RORB: variants seen among roughly 807,000 people sequenced by gnomAD.
RORB encodes RAR related orphan receptor B, also known as nuclear receptor ROR-beta.
In RORB, 6 loss-of-function variants were observed where a neutral mutation model predicts 59.1. That is an observed-to-expected ratio of 0.10 (90% CI 0.06 to 0.20). The LOEUF (loss-of-function observed/expected upper bound fraction) is 0.20, where lower values mean the gene tolerates loss of function less well. RORB is among the 10% of genes least tolerant of loss of function. RORB has a pLI of 1.00. For synonymous variants in RORB, 215 were observed against 204.5 expected (o/e 1.05, Z -0.44); for missense variants, 320 against 560.5 (o/e 0.57, Z 4.33).
At chr9:74,557,488 G>C (rs530256180) in intron 1 of RORB, among the ~76,000 whole-genome samples, 7 of 152,092 alleles carry the variant, frequency 4.6e-5, no homozygotes, top group African/African-American at 1.7e-4. Flanking sequence ...TATTTTAAGG[G>C]AATTAATAAA....
At chr9:74,607,615 C>G (rs1823168610) in intron 1 of RORB, among the ~76,000 whole-genome samples, 1 of 151,850 alleles carries the variant, frequency 6.6e-6, no homozygotes, top group Admixed American at 6.6e-5. Flanking sequence ...TATATACACA[C>G]ACACATAAGT....
At chr9:74,533,903 G>C (rs1826283384) in intron 1 of RORB, among the ~76,000 whole-genome samples, 1 of 151,906 alleles carries the variant, frequency 6.6e-6, no homozygotes. Context: ...TTGGTAAAGG[G>C]GACATTAAAG....
intron 1 of RORB, among the ~76,000 whole-genome samples, chr9:74,562,610 T>C (rs1822411133): frequency 6.6e-6 from 1 of 152,166 alleles, no homozygotes; most frequent in Non-Finnish European, 1.5e-5. Flanking sequence ...TGACCCAGTG[T>C]TGGCTCATGT....
intron 1 of RORB, among the ~76,000 whole-genome samples, chr9:74,534,071 T>G (rs992365618): frequency 6.6e-6 from 1 of 152,074 alleles, no homozygotes; most frequent in Non-Finnish European, 1.5e-5. Flanking sequence ...ACATTTAACT[T>G]TTCTGAAGCT....
chr9:74,579,483 G>A (rs1822687963), intron 1 of RORB, among the ~76,000 whole-genome samples: 1 of 152,048 alleles, frequency 6.6e-6, no homozygotes, highest in South Asian at 2.1e-4. Flanking sequence ...ATTCTGAGGG[G>A]TGGGTCAGTT....
At chr9:74,640,474 A>G (rs563417543) in intron 3 of RORB, among the ~76,000 whole-genome samples, 33 of 152,136 alleles carry the variant, frequency 2.2e-4, no homozygotes, top group South Asian at 1.5e-3. Flanking sequence ...TAGTAGAGAC[A>G]GGGTTTCACC....
At chr9:74,588,943 A>G (rs1822848251) in intron 1 of RORB, among the ~76,000 whole-genome samples, 1 of 152,168 alleles carries the variant, frequency 6.6e-6, no homozygotes, top group South Asian at 2.1e-4. Flanking sequence ...ATGATTAAAA[A>G]AAAAAAATAA....
At chr9:74,641,497 G>A (rs1823804317) in intron 3 of RORB, among the ~76,000 whole-genome samples, 1 of 152,180 alleles carries the variant, frequency 6.6e-6, no homozygotes, top group African/African-American at 2.4e-5. Flanking sequence ...ATTTTCCAAA[G>A]AATCTTATCA....
At chr9:74,678,432 T>C (rs1216155979) in intron 9 of RORB, among the ~76,000 whole-genome samples, 1 of 152,134 alleles carries the variant, frequency 6.6e-6, no homozygotes, top group Non-Finnish European at 1.5e-5. Context: ...CAAAACTGTA[T>C]CATCAACATG....
At chr9:74,499,993 A>C (rs1214739854) in intron 1 of RORB, among the ~76,000 whole-genome samples, 2 of 152,218 alleles carry the variant, frequency 1.3e-5, no homozygotes, top group African/African-American at 2.4e-5. Context: ...AGCAGTTTGC[A>C]GATGACTGTC....
intron 1 of RORB, among the ~76,000 whole-genome samples, chr9:74,500,062 G>A: frequency 6.6e-6 from 1 of 152,146 alleles, no homozygotes; most frequent in Non-Finnish European, 1.5e-5. Context: ...TGAAAGCCAG[G>A]CGCTGGTCCT....
At chr9:74,608,905 G>A (rs1400219689) in intron 1 of RORB, among the ~76,000 whole-genome samples, 1 of 152,158 alleles carries the variant, frequency 6.6e-6, no homozygotes, top group Admixed American at 6.5e-5. Flanking sequence ...TTGAATTTTA[G>A]TAAGTACCCT....
chr9:74,524,457 G>T (rs908671061), intron 1 of RORB, among the ~76,000 whole-genome samples: 3 of 151,816 alleles, frequency 2.0e-5, no homozygotes, highest in African/African-American at 7.3e-5. Flanking sequence ...CTTGACTTCT[G>T]CTGAAAAGCT....
At chr9:74,631,826 C>A (rs960607770) in intron 2 of RORB, among the ~76,000 whole-genome samples, 1 of 152,108 alleles carries the variant, frequency 6.6e-6, no homozygotes, top group Non-Finnish European at 1.5e-5. Flanking sequence ...TTTTTCAACT[C>A]ATCAAGAATA....
intron 7 of RORB, among the ~76,000 whole-genome samples, chr9:74,666,922 T>C (rs999483351): frequency 3.3e-5 from 5 of 152,236 alleles, no homozygotes; most frequent in Non-Finnish European, 2.9e-5. Flanking sequence ...ATTTGTTCCA[T>C]ATCCTGCCCA....
chr9:74,547,042 C>T (rs773755308), intron 1 of RORB, among the ~76,000 whole-genome samples: 2 of 152,050 alleles, frequency 1.3e-5, no homozygotes, highest in Non-Finnish European at 2.9e-5. Context: ...TGCAGTGAGC[C>T]GAGGTCACAC....
At chr9:74,505,349 G>A (rs753121729) in intron 1 of RORB, among the ~76,000 whole-genome samples, 1 of 151,948 alleles carries the variant, frequency 6.6e-6, no homozygotes, top group African/African-American at 2.4e-5. Context: ...GTACAAGAAT[G>A]ATACCATCTT....
At chr9:74,629,090 A>G (rs1165599587) in intron 1 of RORB, among the ~76,000 whole-genome samples, 1 of 151,974 alleles carries the variant, frequency 6.6e-6, no homozygotes, top group Non-Finnish European at 1.5e-5. Context: ...CTTCGTTTCC[A>G]TGTCGGTTCC....
At chr9:74,502,366 T>C (rs1204635030) in intron 1 of RORB, among the ~76,000 whole-genome samples, 1 of 152,098 alleles carries the variant, frequency 6.6e-6, no homozygotes, top group African/African-American at 2.4e-5. Context: ...TAATACGATT[T>C]GATACAAAAA....
Sources: allele counts gnomAD v4.1 joint callset (sites outside exome capture counted in the v4.1 genomes callset), GRCh38; gene constraint gnomAD v4.1.1; transcripts MANE v1.5; gene names NCBI Gene and HGNC (gene_info 2026-07-23, HGNC 2026-07-21).